Variants in PTPRD observed in about 807,000 individuals in gnomAD.
PTPRD encodes protein tyrosine phosphatase receptor type D.
In PTPRD, 34 loss-of-function variants were observed where a neutral mutation model predicts 214.5. That is an observed-to-expected ratio of 0.16 (90% CI 0.12 to 0.21). The LOEUF (loss-of-function observed/expected upper bound fraction) is 0.21. Ranked by LOEUF, PTPRD falls within the 10% of genes least tolerant of loss-of-function variation. PTPRD has a pLI of 1.00. For missense variants in PTPRD, 2,545 were observed against 2,398.7 expected (o/e 1.06, Z -1.27); for synonymous variants, 1,128 against 845.7 (o/e 1.33, Z -5.79).
At chr9:10,157,387 T>C (rs1327086945) in intron 3 of PTPRD, among the ~76,000 whole-genome samples, 1 of 152,226 alleles carries the variant, frequency 6.6e-6, no homozygotes, top group African/African-American at 2.4e-5. Context: ...CCTTTGCTTA[T>C]AAAGCTGAGT....
At chr9:8,501,219 T>C (rs1291774775) in intron 23 of PTPRD, among the ~76,000 whole-genome samples, 160 bp from the exon 24 acceptor site, 1 of 152,140 alleles carries the variant, frequency 6.6e-6, no homozygotes, top group Non-Finnish European at 1.5e-5. Context: ...ACAAATTATG[T>C]ACCTTGGCTT....
chr9:9,503,466 G>A (rs2096485549), intron 8 of PTPRD, among the ~76,000 whole-genome samples: 1 of 151,568 alleles, frequency 6.6e-6, no homozygotes, highest in Non-Finnish European at 1.5e-5. Context: ...GTTCAAATGG[G>A]CGCTCAAGTA....
At chr9:8,370,068 C>G (rs752863227) in intron 39 of PTPRD, among the ~76,000 whole-genome samples, 1 of 151,846 alleles carries the variant, frequency 6.6e-6, no homozygotes, top group Non-Finnish European at 1.5e-5. Context: ...AAGACTAAGA[C>G]GATATAGGAA....
intron 8 of PTPRD, among the ~76,000 whole-genome samples, chr9:9,456,124 A>G (rs1350853005): frequency 6.6e-6 from 1 of 151,892 alleles, no homozygotes; most frequent in Non-Finnish European, 1.5e-5. Flanking sequence ...GTTTATTTCC[A>G]AATCCAACAC....
chr9:8,562,299 A>G (rs1277249102), intron 14 of PTPRD, among the ~76,000 whole-genome samples: 2 of 152,192 alleles, frequency 1.3e-5, no homozygotes. Context: ...AGCTAAATCT[A>G]TATTCTATAA....
intron 8 of PTPRD, among the ~76,000 whole-genome samples, chr9:9,522,887 C>A (rs1299293116): frequency 2.6e-5 from 4 of 152,054 alleles, no homozygotes; most frequent in African/African-American, 9.7e-5. Flanking sequence ...AGCAAGTTGC[C>A]TGACATTTAC....
intron 3 of PTPRD, among the ~76,000 whole-genome samples, chr9:10,204,547 G>T (rs1318638830): frequency 6.6e-6 from 1 of 151,872 alleles, no homozygotes; most frequent in East Asian, 1.9e-4. Context: ...GATAGTTTGG[G>T]TACAATAAAT....
At chr9:8,482,832 G>A (rs897705654) in intron 30 of PTPRD, among the ~76,000 whole-genome samples, 8 of 152,100 alleles carry the variant, frequency 5.3e-5, no homozygotes, top group Non-Finnish European at 1.0e-4. Context: ...ATGGGCCTAT[G>A]CACTTACCAC....
At chr9:9,699,667 G>C (rs1250479794) in intron 7 of PTPRD, among the ~76,000 whole-genome samples, 4 of 152,152 alleles carry the variant, frequency 2.6e-5, no homozygotes, top group Non-Finnish European at 5.9e-5. Flanking sequence ...GGTCACAACA[G>C]CAGGGCTTCT....
intron 10 of PTPRD, among the ~76,000 whole-genome samples, chr9:9,029,879 T>G (rs1033036130): frequency 6.6e-6 from 1 of 151,970 alleles, no homozygotes; most frequent in East Asian, 1.9e-4. Context: ...ATGAAAGACA[T>G]TTGATGACCA....
At chr9:9,679,978 G>A (rs1638536987) in intron 7 of PTPRD, among the ~76,000 whole-genome samples, 1 of 151,880 alleles carries the variant, frequency 6.6e-6, no homozygotes, top group South Asian at 2.1e-4. Context: ...TACTTCTCTT[G>A]CTTTTGAATA....
At chr9:10,263,705 G>T (rs970071280) in intron 3 of PTPRD, among the ~76,000 whole-genome samples, 3 of 152,182 alleles carry the variant, frequency 2.0e-5, no homozygotes, top group Admixed American at 6.5e-5. Flanking sequence ...TTTCTGGGGA[G>T]AAATTCAAGC....
At chr9:9,706,652 C>G (rs1388389856) in intron 7 of PTPRD, among the ~76,000 whole-genome samples, 3 of 152,112 alleles carry the variant, frequency 2.0e-5, no homozygotes, top group African/African-American at 4.8e-5. Flanking sequence ...GTTGGCCAAC[C>G]TGGTCTCGAA....
At position 10,496,992 on chromosome 9, in the gene PTPRD, T is replaced by G. The variant is rs574301236; in HGVS notation, c.-600+115406A>C. Among the ~76,000 whole-genome samples the G allele has an allele frequency of 2.6e-5, 4 of 152,138 alleles. No homozygotes were observed. The South Asian group carries it at 6.2e-4, about 24-fold the overall frequency. ...ATAAAAAAGAATGGAATAATGTCCT[T>G]TGCACCAACATGGATGCAGATGGTG... On this transcript the variant is annotated intron_variant, in intron 2 of 45. Transcript: ENST00000381196.
At chr9:8,688,053 T>C (rs1036996478) in intron 12 of PTPRD, among the ~76,000 whole-genome samples, 7 of 152,248 alleles carry the variant, frequency 4.6e-5, no homozygotes, top group African/African-American at 1.4e-4. Flanking sequence ...ATGAGAGTTA[T>C]GTGGCTTAAA....
chr9:10,423,126 T>TA (rs954588236), intron 2 of PTPRD, among the ~76,000 whole-genome samples: 4 of 151,916 alleles, frequency 2.6e-5, no homozygotes, highest in African/African-American at 9.7e-5. Flanking sequence ...TATGCAGCCA[T>TA]AAAAAAGGAT....
intron 2 of PTPRD, among the ~76,000 whole-genome samples, chr9:10,454,097 T>C (rs1020438462): frequency 5.3e-5 from 8 of 149,662 alleles, no homozygotes; most frequent in African/African-American, 1.9e-4. Flanking sequence ...GTCATTAGAG[T>C]CTGTTTCTAT....
intron 24 of PTPRD, among the ~76,000 whole-genome samples, chr9:8,500,470 G>C (rs761209287): frequency 6.7e-6 from 1 of 148,380 alleles, no homozygotes; most frequent in African/African-American, 2.5e-5. Context: ...TTTAGATGGA[G>C]GCACAGAGAC....
intron 14 of PTPRD, among the ~76,000 whole-genome samples, chr9:8,598,275 A>C (rs2094581236): frequency 6.6e-6 from 1 of 152,100 alleles, no homozygotes; most frequent in Admixed American, 6.5e-5. Flanking sequence ...AACATGGTGA[A>C]ACCCTGTCTC....
Sources: gnomAD v4.1 joint callset for allele counts (sites outside exome capture counted in the v4.1 genomes callset) on GRCh38, gnomAD v4.1.1 for gene constraint, MANE v1.5 for transcripts, NCBI Gene and HGNC (gene_info 2026-07-23, HGNC 2026-07-21) for gene names.